The following LRRC4C variants were observed in gnomAD, a reference collection of about 807,000 sequenced individuals.
LRRC4C encodes the protein leucine rich repeat containing 4C.
Under a neutral mutation model 33.6 loss-of-function variants are expected in LRRC4C, and 5 were observed. The ratio of observed to expected loss-of-function variants is 0.15; its 90% confidence interval spans 0.08 to 0.31. LRRC4C has a LOEUF of 0.31. Among genes scored for constraint, LRRC4C ranks in the 10% least tolerant of loss-of-function variants. LRRC4C has a pLI of 1.00. For synonymous variants in LRRC4C, 329 were observed against 302.0 expected (o/e 1.09, Z -0.93); for missense variants, 560 against 796.7 (o/e 0.70, Z 3.58).
At chr11:40,159,229 C>G (rs1858960876) in intron 5 of LRRC4C, among the ~76,000 whole-genome samples, 2 of 151,928 alleles carry the variant, frequency 1.3e-5, no homozygotes, top group Non-Finnish European at 2.9e-5. Flanking sequence ...AGATAATTTT[C>G]AAATTGGAGT....
At position 40,241,594 on chromosome 11, in the gene LRRC4C, T is replaced by C. The variant is rs1177811378; in HGVS notation, c.-171A>G. On this transcript the variant is annotated 5_prime_UTR_variant, in exon 5 of 7. Transcript: ENST00000528697. ...TCCCTTCTTTCTCACTCTCAGTTTC[T>C]TGCTCTGCAAAATGAGGTGATTGAA... 1.3e-5 allele frequency: 2 copies of C among 152,298 alleles called. No homozygotes were observed. The highest frequency in any genetic ancestry group is 2.9e-5 in the Non-Finnish European group (2 of 68,032). 9.4% of individuals were successfully genotyped at this position (152,298 alleles called of 1,614,324 possible).
At chr11:40,702,006 C>G (rs987284427) in intron 2 of LRRC4C, among the ~76,000 whole-genome samples, 3 of 151,034 alleles carry the variant, frequency 2.0e-5, no homozygotes, top group Non-Finnish European at 4.4e-5. Context: ...TATAATACAC[C>G]CAAATATTTT....
At chr11:40,658,843 TG>T (rs1161136926) in intron 2 of LRRC4C, among the ~76,000 whole-genome samples, 3 of 152,198 alleles carry the variant, frequency 2.0e-5, no homozygotes, top group Non-Finnish European at 4.4e-5. Flanking sequence ...TACAAGAATG[TG>T]GGTCAAAGTG....
At chr11:41,011,463 C>A (rs1243395907) in intron 1 of LRRC4C, among the ~76,000 whole-genome samples, 1 of 152,122 alleles carries the variant, frequency 6.6e-6, no homozygotes, top group African/African-American at 2.4e-5. Context: ...AAAATGGATT[C>A]TGCAACTTTT....
chr11:40,323,197 T>C (rs1181807352), intron 3 of LRRC4C, among the ~76,000 whole-genome samples: 1 of 152,214 alleles, frequency 6.6e-6, no homozygotes, highest in Non-Finnish European at 1.5e-5. Context: ...AAACAAATGA[T>C]TTTACATGAC....
chr11:40,575,929 G>A (rs1448909448), intron 3 of LRRC4C, among the ~76,000 whole-genome samples: 5 of 152,100 alleles, frequency 3.3e-5, no homozygotes, highest in Non-Finnish European at 7.4e-5. Context: ...TAATGTAATG[G>A]TTATATTTTT....
At chr11:41,035,845 G>T (rs1857031191) in intron 1 of LRRC4C, among the ~76,000 whole-genome samples, 1 of 151,934 alleles carries the variant, frequency 6.6e-6, no homozygotes. Flanking sequence ...CATGCTTTAG[G>T]TAAAATAGTG....
intron 1 of LRRC4C, among the ~76,000 whole-genome samples, chr11:41,149,587 C>A (rs1399016480): frequency 6.7e-6 from 1 of 149,536 alleles, no homozygotes; most frequent in Non-Finnish European, 1.5e-5. Flanking sequence ...AAAGGCAAAA[C>A]TGGCTCCAAT....
chr11:41,167,333 G>A (rs1944775808), intron 1 of LRRC4C, among the ~76,000 whole-genome samples: 2 of 152,164 alleles, frequency 1.3e-5, no homozygotes, highest in African/African-American at 2.4e-5. Flanking sequence ...GCTGCTGACA[G>A]TGCTTTCCCT....
intron 4 of LRRC4C, among the ~76,000 whole-genome samples, chr11:40,284,888 G>A (rs193243464): frequency 6.6e-6 from 1 of 152,042 alleles, no homozygotes; most frequent in Non-Finnish European, 1.5e-5. Context: ...TATTAAGTTT[G>A]CAAGGCTTGT....
At chr11:40,818,237 A>G (rs1043399543) in intron 2 of LRRC4C, among the ~76,000 whole-genome samples, 2 of 152,128 alleles carry the variant, frequency 1.3e-5, no homozygotes, top group Non-Finnish European at 2.9e-5. Flanking sequence ...AACATCTGTG[A>G]AAATCATTCT....
chr11:41,287,213 A>G lies in LRRC4C; in HGVS notation c.-496+172218T>C, dbSNP rs148117861. Among the ~76,000 whole-genome samples the G allele has an allele frequency of 1.8e-3, 277 of 152,326 alleles. 5 individuals are homozygous for G. The East Asian group carries it at 0.051, about 28-fold the overall frequency. ...CCTATAGATCTGGTTATATTTCACT[A>G]AATAAGTTTGTCATGATCTGGTTAT... On this transcript the variant is annotated intron_variant, in intron 1 of 6. Transcript: ENST00000528697.
At chr11:40,353,312 G>T (rs1947502435) in intron 3 of LRRC4C, among the ~76,000 whole-genome samples, 1 of 151,798 alleles carries the variant, frequency 6.6e-6, no homozygotes, top group Non-Finnish European at 1.5e-5. Flanking sequence ...TTTTAAATAG[G>T]TTGGCTTCAA....
chr11:40,368,555 A>T (rs1320642196), intron 3 of LRRC4C, among the ~76,000 whole-genome samples: 1 of 152,174 alleles, frequency 6.6e-6, no homozygotes, highest in Admixed American at 6.6e-5. Context: ...AAGGGCTTCC[A>T]GTTCCTGACT....
chr11:40,961,093 G>A (rs1300184860), intron 1 of LRRC4C, among the ~76,000 whole-genome samples: 2 of 151,670 alleles, frequency 1.3e-5, no homozygotes, highest in African/African-American at 4.8e-5. Flanking sequence ...GTACCAAGAT[G>A]GAAGGGTGGA....
chr11:41,059,986 T>C (rs1223635340), intron 1 of LRRC4C, among the ~76,000 whole-genome samples: 3 of 152,082 alleles, frequency 2.0e-5, no homozygotes. Context: ...GATCACACCA[T>C]TGCACTCCAG....
At chr11:40,277,950 A>T (rs1017240500) in intron 4 of LRRC4C, among the ~76,000 whole-genome samples, 2 of 152,170 alleles carry the variant, frequency 1.3e-5, no homozygotes, top group African/African-American at 2.4e-5. Context: ...GTACTCAAAA[A>T]AGTGGCAGTC....
At chr11:40,690,973 G>A (rs987216333) in intron 2 of LRRC4C, among the ~76,000 whole-genome samples, 2 of 152,016 alleles carry the variant, frequency 1.3e-5, no homozygotes, top group African/African-American at 4.8e-5. Context: ...AAACAAGCAG[G>A]AGGGTGAATA....
intron 5 of LRRC4C, among the ~76,000 whole-genome samples, chr11:40,200,320 C>T (rs1055595105): frequency 1.3e-5 from 2 of 151,308 alleles, no homozygotes; most frequent in African/African-American, 2.4e-5. Context: ...GCCGAGATCG[C>T]GCCACTGCAC....
Sources: allele counts gnomAD v4.1 joint callset (sites outside exome capture counted in the v4.1 genomes callset), GRCh38; gene constraint gnomAD v4.1.1; transcripts MANE v1.5; gene names NCBI Gene and HGNC (gene_info 2026-07-23, HGNC 2026-07-21).